APP: variants seen among roughly 807,000 people sequenced by gnomAD.
APP encodes the protein amyloid-beta precursor protein.
APP carries 31 observed loss-of-function variants against 101.4 expected under a neutral mutation model. That is an observed-to-expected ratio of 0.31 (90% CI 0.23 to 0.41). The LOEUF (loss-of-function observed/expected upper bound fraction) is 0.41. Ranked by LOEUF, APP falls within the 10% of genes least tolerant of loss-of-function variation. The pLI is 1.00. For missense variants in APP, 839 were observed against 1,003.7 expected (o/e 0.84, Z 2.22); for synonymous variants, 366 against 364.4 (o/e 1.00, Z -0.05).
In APP at chr21:26,014,305, G is replaced by C. The variant is rs553935006; in HGVS notation, c.865+7535C>G. ...CCGTTAGTGAATTATAGGATACCTT[G>C]TAAGTGTCATGTCCATTACAAACAA... is the stretch of plus-strand genomic sequence containing the variant. On this transcript the variant is annotated intron_variant, in intron 6 of 17. Transcript: ENST00000346798. 5.9e-5 allele frequency among the ~76,000 whole-genome samples: 9 copies of C among 152,284 alleles called. No homozygotes were observed. In the South Asian group the frequency reaches 1.7e-3, roughly 28 times the overall value.
intron 15 of APP, among the ~76,000 whole-genome samples, chr21:25,898,322 TCTTC>T (rs987104819): frequency 1.3e-5 from 2 of 152,246 alleles, no homozygotes; most frequent in Non-Finnish European, 2.9e-5. Context: ...ACCTACGAAC[TCTTC>T]CTTTTCTATA....
chr21:25,886,886 C>T (rs770331846), intron 17 of APP, among the ~76,000 whole-genome samples: 3 of 152,056 alleles, frequency 2.0e-5, no homozygotes, highest in Non-Finnish European at 2.9e-5. Context: ...AGCTTCTGGC[C>T]GGGAAGAAAG....
chr21:26,163,741 T>C (rs45469696), intron 1 of APP, among the ~76,000 whole-genome samples: 53 of 152,330 alleles, frequency 3.5e-4, no homozygotes, highest in Admixed American at 2.6e-4. Context: ...CTTCTTGATT[T>C]TTCCCTGCGT....
At chr21:26,042,985 T>G (rs571728144) in intron 5 of APP, among the ~76,000 whole-genome samples, 1 of 152,296 alleles carries the variant, frequency 6.6e-6, no homozygotes, top group East Asian at 1.9e-4. Flanking sequence ...TGCCCTTCAT[T>G]ACACTGGAGG....
At chr21:25,978,460 C>T (rs976423792) in intron 9 of APP, among the ~76,000 whole-genome samples, 3 of 152,108 alleles carry the variant, frequency 2.0e-5, no homozygotes, top group Non-Finnish European at 2.9e-5. Flanking sequence ...GGTTAAGGTA[C>T]CAGCTCGAGG....
intron 2 of APP, 117 bp downstream of exon 2, chr21:26,111,862 G>A: frequency 2.8e-6 from 3 of 1,062,594 alleles, no homozygotes; most frequent in Non-Finnish European, 4.4e-6. Flanking sequence ...TGAATCATTA[G>A]GAACCAAGAT....
In APP at chr21:26,089,935, C is replaced by G; in HGVS notation, c.355+8G>C. 2 of 1,613,926 alleles carry G rather than the reference C, an allele frequency of 1.2e-6. No homozygotes were observed. The highest frequency in any genetic ancestry group is 4.5e-5 in the East Asian group (2 of 44,860). ...AATCAACACCAGCCCCACGGCCGGC[C>G]GGCTCACCTAAGCAGCGGTAGGGAA... On this transcript the variant is annotated splice_region_variant and intron_variant, in intron 3 of 17. Coordinates refer to ENST00000346798, the MANE Select transcript of APP (RefSeq NM_000484.4).
At chr21:25,980,031 T>A (rs571069313) in intron 9 of APP, among the ~76,000 whole-genome samples, 1 of 152,190 alleles carries the variant, frequency 6.6e-6, no homozygotes, top group African/African-American at 2.4e-5. Context: ...GGGTGAGATG[T>A]GTCAGCGTGA....
intron 6 of APP, 100 bp downstream of exon 6, chr21:26,021,740 G>T (rs1186424897): frequency 6.8e-7 from 1 of 1,480,340 alleles, no homozygotes; most frequent in Non-Finnish European, 9.1e-7. Flanking sequence ...ACATGTTTTT[G>T]ATTGGGGAAG....
At position 26,021,896 on chromosome 21, in the gene APP, G is replaced by C; in HGVS notation, c.809C>G (p.Thr270Ser). ...EPYEEATERT[T>S]SIATTTTTTT... The stretch of plus-strand genomic sequence containing the variant: ...GGTGGTGGTGGTGGTGGCAATGCTG[G>C]TGGTTCTCTCTGTGGCTTCTTCGTA... The change falls in exon 6 of 18, where the codon ACC becomes AGC. Residue 270 changes from threonine to serine, a missense_variant. Coordinates refer to ENST00000346798, the MANE Select transcript of APP (RefSeq NM_000484.4). The C allele has an allele frequency of 6.2e-7, 1 of 1,613,566 alleles. No individual in the cohort carries two copies. Among genetic ancestry groups the C allele is most frequent in the South Asian group, 1.1e-5 (1 of 91,026 alleles).
chr21:26,091,607 T>C (rs1165763131), intron 2 of APP, among the ~76,000 whole-genome samples: 2 of 152,074 alleles, frequency 1.3e-5, no homozygotes, highest in African/African-American at 4.8e-5. Flanking sequence ...GGAGCTAAAA[T>C]CTTCAAAGTC....
chr21:25,912,075 G>A (rs1465079696), intron 13 of APP, 113 bp from the exon 14 acceptor site: 4 of 816,668 alleles, frequency 4.9e-6, no homozygotes, highest in Non-Finnish European at 8.4e-6. Context: ...TCACGTGCAT[G>A]ATCGCGTTTA....
At chr21:26,154,045 T>C (rs2830097) in intron 1 of APP, among the ~76,000 whole-genome samples, 53,639 of 151,826 alleles carry the variant, frequency 0.35, 9,996 homozygotes, top group African/African-American at 0.49. Context: ...TGTCAGGCAG[T>C]AAGCTTTCCA....
chr21:26,057,192 G>T (rs776807661), intron 3 of APP, among the ~76,000 whole-genome samples: 4 of 152,052 alleles, frequency 2.6e-5, no homozygotes, highest in Admixed American at 6.5e-5. Flanking sequence ...CCACAGCCAC[G>T]TATACCTTAT....
intron 5 of APP, among the ~76,000 whole-genome samples, chr21:26,022,502 G>A (rs1388309584): frequency 1.3e-5 from 2 of 152,036 alleles, no homozygotes; most frequent in Non-Finnish European, 2.9e-5. Flanking sequence ...CAGGAATACT[G>A]GTTAATAATA....
At chr21:26,131,865 T>C (rs2146276404) in intron 1 of APP, among the ~76,000 whole-genome samples, 1 of 152,268 alleles carries the variant, frequency 6.6e-6, no homozygotes, top group East Asian at 1.9e-4. Flanking sequence ...CAGATGAATG[T>C]CTGTCTACTT....
At chr21:25,946,808 C>T (rs1399342950) in intron 13 of APP, among the ~76,000 whole-genome samples, 1 of 152,114 alleles carries the variant, frequency 6.6e-6, no homozygotes, top group African/African-American at 2.4e-5. Context: ...ATTGCAATCG[C>T]ATGAAGAAAA....
chr21:26,112,230 A>G, intron 1 of APP, 84 bp from the exon 2 acceptor site: 3 of 1,428,152 alleles, frequency 2.1e-6, no homozygotes, highest in Non-Finnish European at 3.0e-6. Context: ...ACTATCAAAA[A>G]GAGTTCTATT....
intron 3 of APP, among the ~76,000 whole-genome samples, chr21:26,053,955 C>T (rs914695774): frequency 6.6e-6 from 1 of 152,108 alleles, no homozygotes; most frequent in Non-Finnish European, 1.5e-5. Flanking sequence ...TATTTCTAGG[C>T]ATTTCTGGTA....
Sources: allele counts gnomAD v4.1 joint callset (sites outside exome capture counted in the v4.1 genomes callset), GRCh38; gene constraint gnomAD v4.1.1; transcripts MANE v1.5; gene names NCBI Gene and HGNC (gene_info 2026-07-23, HGNC 2026-07-21).